GRIA4: variants seen among roughly 807,000 people sequenced by gnomAD.
GRIA4 encodes the protein glutamate receptor 4.
A neutral mutation model predicts 104.0 loss-of-function variants in GRIA4; 34 were observed. The ratio of observed to expected loss-of-function variants is 0.33; its 90% confidence interval spans 0.25 to 0.44. GRIA4 has a LOEUF of 0.44. GRIA4 is among the 20% of genes least tolerant of loss of function. The probability of loss-of-function intolerance (pLI) is 1.00; values close to 1 mark genes in which losing one functional copy is unlikely to be tolerated. For missense variants in GRIA4, 750 were observed against 1,096.5 expected, an observed-to-expected ratio of 0.68 and a Z score of 4.46; for synonymous variants, 386 against 381.9, an observed-to-expected ratio of 1.01 and a Z score of -0.13.
intron 3 of GRIA4, among the ~76,000 whole-genome samples, chr11:105,678,497 C>A (rs1460216374): frequency 6.6e-6 from 1 of 152,016 alleles, no homozygotes; most frequent in Non-Finnish European, 1.5e-5. Context: ...ATAAGTGTTA[C>A]CTCATGAATG....
chr11:105,784,635 A>C (rs1417758884), intron 4 of GRIA4, among the ~76,000 whole-genome samples: 1 of 152,124 alleles, frequency 6.6e-6, no homozygotes, highest in Non-Finnish European at 1.5e-5. Context: ...TCTTTTGTAC[A>C]AGCCATCTTT....
At chr11:105,688,361 A>G (rs563326949) in intron 3 of GRIA4, among the ~76,000 whole-genome samples, 1 of 152,046 alleles carries the variant, frequency 6.6e-6, no homozygotes, top group African/African-American at 2.4e-5. Context: ...CATCGAGACC[A>G]TCCTGGCTAG....
intron 10 of GRIA4, among the ~76,000 whole-genome samples, chr11:105,917,228 A>T (rs1402277685): frequency 1.3e-5 from 2 of 152,180 alleles, no homozygotes; most frequent in Non-Finnish European, 2.9e-5. Flanking sequence ...AATATTCATC[A>T]AATTAAAAAA....
chr11:105,706,976 T>G (rs1486186128), intron 3 of GRIA4: 1 of 152,208 alleles, frequency 6.6e-6, no homozygotes, highest in Non-Finnish European at 1.5e-5. Flanking sequence ...ATATTCTATT[T>G]AACAAAAAGA....
intron 3 of GRIA4, among the ~76,000 whole-genome samples, chr11:105,671,360 A>G (rs576099111): frequency 6.6e-6 from 1 of 152,168 alleles, no homozygotes; most frequent in East Asian, 1.9e-4. Flanking sequence ...CTTTGATAAT[A>G]GATCAAATGA....
chr11:105,769,179 A>G (rs758723561), intron 4 of GRIA4, among the ~76,000 whole-genome samples: 13 of 152,114 alleles, frequency 8.5e-5, no homozygotes, highest in Non-Finnish European at 1.8e-4. Flanking sequence ...GGCATATAAT[A>G]GGTGTTCCAT....
intron 4 of GRIA4, among the ~76,000 whole-genome samples, chr11:105,830,240 T>C (rs1340881845): frequency 6.6e-6 from 1 of 151,974 alleles, no homozygotes; most frequent in African/African-American, 2.4e-5. Context: ...GGATTATTGA[T>C]GGAATAAAAT....
intron 3 of GRIA4, among the ~76,000 whole-genome samples, chr11:105,704,432 G>T (rs1953619368): frequency 6.6e-6 from 1 of 152,052 alleles, no homozygotes; most frequent in African/African-American, 2.4e-5. Flanking sequence ...AAACTGGCCA[G>T]TGTGGTTATA....
At chr11:105,871,195 T>C (rs1945601472) in intron 5 of GRIA4, among the ~76,000 whole-genome samples, 1 of 152,092 alleles carries the variant, frequency 6.6e-6, no homozygotes, top group African/African-American at 2.4e-5. Flanking sequence ...ATTAAATTTG[T>C]TTATTAAATG....
intron 3 of GRIA4, 171 bp downstream of exon 3, chr11:105,612,605 TTG>T (rs911750222): frequency 2.0e-5 from 8 of 390,292 alleles, no homozygotes; most frequent in African/African-American, 7.0e-5. Flanking sequence ...GGATATTTAG[TTG>T]TTTTTTTTTT....
At chr11:105,866,578 T>C (rs929898524) in intron 5 of GRIA4, among the ~76,000 whole-genome samples, 16 of 144,294 alleles carry the variant, frequency 1.1e-4, no homozygotes, top group Non-Finnish European at 1.8e-4. Context: ...TATATATATA[T>C]ATATATTCAG....
At chr11:105,669,497 G>C (rs929973867) in intron 3 of GRIA4, among the ~76,000 whole-genome samples, 1 of 152,056 alleles carries the variant, frequency 6.6e-6, no homozygotes, top group Non-Finnish European at 1.5e-5. Flanking sequence ...CTGATTTGGA[G>C]TATTTCAACC....
chr11:105,824,257 C>T (rs758062482), intron 4 of GRIA4, among the ~76,000 whole-genome samples: 1 of 152,220 alleles, frequency 6.6e-6, no homozygotes, highest in Admixed American at 6.5e-5. Context: ...GTTCCACCCC[C>T]TGTTCATCCC....
At position 105,918,837 on chromosome 11, in the gene GRIA4, C is replaced by T; in HGVS notation, c.1395C>T (p.Ala465=). ...ATATTGGTATCAAGTATAAAATTGC[C>T]ATTGTCCCTGATGGAAAATATGGAG... ...AKHIGIKYKI[A]IVPDGKYGAR... Residue 465 remains alanine (A), a synonymous_variant, in exon 11 of 17, where the codon GCC becomes GCT. Coordinates refer to ENST00000282499, the MANE Select transcript of GRIA4 (RefSeq NM_000829.4). 1.2e-6 allele frequency: 2 copies of T among 1,609,036 alleles called. No individual in the cohort carries two copies. Among genetic ancestry groups the T allele is most frequent in the Non-Finnish European group, 1.7e-6 (2 of 1,175,716 alleles).
chr11:105,917,484 C>T (rs1267726837), intron 10 of GRIA4, among the ~76,000 whole-genome samples: 1 of 152,018 alleles, frequency 6.6e-6, no homozygotes, highest in African/African-American at 2.4e-5. Context: ...AGTAAATTAC[C>T]TTCTATTATA....
At chr11:105,855,437 G>A (rs948699779) in intron 4 of GRIA4, among the ~76,000 whole-genome samples, 2 of 151,878 alleles carry the variant, frequency 1.3e-5, no homozygotes, top group African/African-American at 2.4e-5. Flanking sequence ...TTTATATAAT[G>A]TGATATAAAA....
intron 10 of GRIA4, among the ~76,000 whole-genome samples, chr11:105,917,728 T>C (rs955282026): frequency 2.0e-5 from 3 of 152,068 alleles, no homozygotes; most frequent in Admixed American, 2.0e-4. Context: ...TTATCTTTGG[T>C]TGGTGGCTTT....
chr11:105,725,142 A>ATATTCTACATAT (rs1938114972), intron 3 of GRIA4, among the ~76,000 whole-genome samples: 1 of 152,176 alleles, frequency 6.6e-6, no homozygotes, highest in Non-Finnish European at 1.5e-5. Flanking sequence ...TATGTAGAAT[A>ATATTCTACATAT]ATTAAATATA....
chr11:105,817,150 C>G (rs1943410474), intron 4 of GRIA4, among the ~76,000 whole-genome samples: 1 of 151,928 alleles, frequency 6.6e-6, no homozygotes, highest in South Asian at 2.1e-4. Context: ...GCAATTTCCT[C>G]ATCTTTAATG....
Sources: gnomAD v4.1 joint callset for allele counts (sites outside exome capture counted in the v4.1 genomes callset) on GRCh38, gnomAD v4.1.1 for gene constraint, MANE v1.5 for transcripts, NCBI Gene and HGNC (gene_info 2026-07-23, HGNC 2026-07-21) for gene names.